FAM149B1: variants seen among roughly 807,000 people sequenced by gnomAD.
The protein encoded by FAM149B1 is primary cilium assembly protein FAM149B1.
In FAM149B1, 56 loss-of-function variants were observed where a neutral mutation model predicts 75.3. That is an observed-to-expected ratio of 0.74 (90% CI 0.60 to 0.93). The LOEUF (loss-of-function observed/expected upper bound fraction) is 0.93. FAM149B1 is among the 40% of genes least tolerant of loss of function. FAM149B1 has a pLI of 0.00. For missense variants in FAM149B1, 639 were observed against 708.4 expected, an observed-to-expected ratio of 0.90 and a Z score of 1.11; for synonymous variants, 259 against 256.1, an observed-to-expected ratio of 1.01 and a Z score of -0.11.
At chr10:73,223,078 C>T (rs2043454969) in intron 7 of FAM149B1, among the ~76,000 whole-genome samples, 2 of 152,086 alleles carry the variant, frequency 1.3e-5, no homozygotes, top group Admixed American at 6.6e-5. Context: ...TATGACTGTG[C>T]TAATATACTT....
At chr10:73,188,997 C>A (rs1196230162) in intron 3 of FAM149B1, among the ~76,000 whole-genome samples, 1 of 151,890 alleles carries the variant, frequency 6.6e-6, no homozygotes. Context: ...TATTTGAGAC[C>A]AGCCTAAGCA....
intron 1 of FAM149B1, 66 bp downstream of exon 1, chr10:73,168,452 C>T (rs1200748211): frequency 1.6e-5 from 24 of 1,527,778 alleles, no homozygotes; most frequent in African/African-American, 2.8e-5. Context: ...CCTCCTTGAC[C>T]AGTCCTTCGT....
chr10:73,230,764 C>T (rs2043673957), intron 9 of FAM149B1: 1 of 403,642 alleles, frequency 2.5e-6, no homozygotes, highest in South Asian at 2.5e-5. Flanking sequence ...TAACTGAGTG[C>T]CATGTGCGTG....
Position 73,240,926 on chromosome 10 carries a change from T to C in FAM149B1, c.1676-20T>C. On this transcript the variant is annotated intron_variant, in intron 13 of 13. Transcript: ENST00000242505. ...TCAAACCTAGACTGTCTACTAATGTTACTCTATGTCATCTGACAGGTCCTC... is the reference window on the plus strand; with the variant it reads ...TCAAACCTAGACTGTCTACTAATGTCACTCTATGTCATCTGACAGGTCCTC... The C allele has an allele frequency of 7.0e-7, 1 of 1,428,504 alleles. No homozygotes were observed. The highest frequency in any genetic ancestry group is 1.2e-5 in the South Asian group (1 of 80,702). The allele number at this position is 1,428,504 out of a possible 1,614,324, so 88.5% of individuals were successfully genotyped here.
intron 4 of FAM149B1, among the ~76,000 whole-genome samples, 189 bp from the exon 5 acceptor site, chr10:73,193,288 C>A (rs2042723284): frequency 6.9e-6 from 1 of 144,588 alleles, no homozygotes; most frequent in Admixed American, 6.7e-5. Flanking sequence ...TTTATCTTTT[C>A]CATCTCCATT....
intron 5 of FAM149B1, among the ~76,000 whole-genome samples, chr10:73,206,541 C>T (rs1257372307): frequency 1.3e-5 from 2 of 152,218 alleles, no homozygotes; most frequent in Non-Finnish European, 2.9e-5. Context: ...ATTTCGGAGA[C>T]CTTCACAGCA....
In FAM149B1 at chr10:73,235,187, C is replaced by T. The variant is rs2043794397; in HGVS notation, c.1477-6C>T. ...ACTGTTTCTGTAACTTTTGTCTCCT[C>T]TGCAGAAACCCCATGGCGACTCTAG... On this transcript the variant is annotated splice_region_variant and splice_polypyrimidine_tract_variant and intron_variant, in intron 11 of 13. Coordinates refer to ENST00000242505, the MANE Select transcript of FAM149B1 (RefSeq NM_173348.2). 6.4e-7 allele frequency: 1 copy of T among 1,551,572 alleles called. No homozygotes were observed. Among genetic ancestry groups the T allele is most frequent in the Non-Finnish European group, 8.7e-7 (1 of 1,146,856 alleles).
chr10:73,193,634 A>G, intron 5 of FAM149B1, 41 bp downstream of exon 5: 4 of 1,534,824 alleles, frequency 2.6e-6, no homozygotes, highest in Non-Finnish European at 8.8e-7. Flanking sequence ...GTGCCCTAAT[A>G]TGCAAGTATT....
intron 5 of FAM149B1, among the ~76,000 whole-genome samples, chr10:73,202,466 T>G (rs1240529667): frequency 2.0e-5 from 3 of 152,022 alleles, no homozygotes; most frequent in African/African-American, 7.2e-5. Flanking sequence ...CTTTTTTTTT[T>G]TTGTTACCCA....
intron 7 of FAM149B1, among the ~76,000 whole-genome samples, chr10:73,217,868 C>T (rs796391177): frequency 1.6e-4 from 25 of 152,254 alleles, no homozygotes; most frequent in African/African-American, 5.3e-4. Flanking sequence ...TTCATGTTCT[C>T]CCACATGCAA....
chr10:73,228,278 C>A, intron 8 of FAM149B1, 94 bp downstream of exon 8: 1 of 1,035,494 alleles, frequency 9.7e-7, no homozygotes, highest in Non-Finnish European at 1.4e-6. Flanking sequence ...TGATTTCTGA[C>A]TCAATATGTT....
chr10:73,226,229 G>T (rs183634699), intron 7 of FAM149B1, among the ~76,000 whole-genome samples: 1 of 151,982 alleles, frequency 6.6e-6, no homozygotes, highest in Non-Finnish European at 1.5e-5. Context: ...ACTTTGGGCC[G>T]GGCACAGTGG....
At position 73,232,999 on chromosome 10, in the gene FAM149B1, T is replaced by G. The variant is rs1288265070; in HGVS notation, c.1188T>G (p.Asn396Lys). 4.5e-6 allele frequency: 7 copies of G among 1,552,046 alleles called. No individual in the cohort carries two copies. The highest frequency in any genetic ancestry group is 6.1e-6 in the Non-Finnish European group (7 of 1,147,026). The part of the protein sequence containing the change: ...PGSSTILSTR[N>K]WPNRAVEFST... ...CCAGTACCATCCTTTCAACTCGAAA[T>G]TGGCCAAATCGAGCTGTGGAGTTTA... Residue 396 changes from asparagine (N) to lysine (K), a missense_variant, in exon 10 of 14, where the codon AAT becomes AAG. Physicochemically the swap from Asn to Lys is moderately conservative, Grantham distance 94. Transcript: ENST00000242505.
chr10:73,192,838 T>C, intron 4 of FAM149B1, 140 bp downstream of exon 4: 1 of 761,618 alleles, frequency 1.3e-6, no homozygotes, highest in South Asian at 3.5e-5. Flanking sequence ...GTATAAAGCC[T>C]TGGCTAAGAG....
At chr10:73,188,750 GA>G (rs2042597786) in intron 3 of FAM149B1, among the ~76,000 whole-genome samples, 3 of 104,500 alleles carry the variant, frequency 2.9e-5, no homozygotes, top group Admixed American at 1.0e-4. Flanking sequence ...AAAAAGGAAG[GA>G]AGGAGGGAAG....
Position 73,233,090 on chromosome 10 carries a change from C to T in FAM149B1, c.1279C>T (p.His427Tyr), listed in dbSNP as rs1472422884. The change falls in exon 10 of 14, where the codon CAT becomes TAT. Residue 427 changes from histidine (H) to tyrosine (Y), a missense_variant. Physicochemically the swap from His to Tyr is moderately conservative, Grantham distance 83. Transcript: ENST00000242505. The part of the protein sequence containing the change: ...RRRNPPPRTL[H>Y]PISTSHSCAE... ...ACGCAATCCACCACCACGAACTCTT[C>T]ATCCGATCAGCACGAGCCATTCATG... 9 of 1,551,716 alleles carry T rather than the reference C, an allele frequency of 5.8e-6. No homozygotes were observed. In the East Asian group the frequency reaches 9.8e-5, roughly 17 times the overall value.
In FAM149B1 at chr10:73,243,954, T is replaced by C. The variant is rs779432879; in HGVS notation, c.*2935T>C. On this transcript the variant is annotated 3_prime_UTR_variant, in exon 14 of 14. Transcript: ENST00000242505. ...CCTGAAACAGGAACTCACATGAGAC[T>C]CAGGGCCACCAGGAAATGCTTAAAA... 1.3e-6 allele frequency: 2 copies of C among 1,593,580 alleles called. No homozygotes were observed. Among genetic ancestry groups the C allele is most frequent in the East Asian group, 4.5e-5 (2 of 44,750 alleles).
At position 73,228,053 on chromosome 10, in the gene FAM149B1, T is replaced by C. The variant is rs1327204476; in HGVS notation, c.899-7T>C. The C allele has an allele frequency of 1.3e-6, 2 of 1,551,622 alleles. No individual in the cohort carries two copies. Among genetic ancestry groups the C allele is most frequent in the Admixed American group, 3.9e-5 (2 of 51,012 alleles). On this transcript the variant is annotated splice_polypyrimidine_tract_variant and splice_region_variant and intron_variant, in intron 7 of 13. Coordinates refer to ENST00000242505, the MANE Select transcript of FAM149B1 (RefSeq NM_173348.2). ...CCATGGATAATATATCCTGTTCCTT[T>C]GCCCAGATGATGAGAGTAATGTTGC... is the stretch of plus-strand genomic sequence containing the variant.
intron 7 of FAM149B1, 23 bp downstream of exon 7, chr10:73,210,461 T>A (rs762594100): frequency 2.0e-6 from 3 of 1,475,766 alleles, no homozygotes; most frequent in Non-Finnish European, 1.8e-6. Flanking sequence ...GTGAAAATAA[T>A]GTAAAAATCA....
Sources: gnomAD v4.1 joint callset for allele counts (sites outside exome capture counted in the v4.1 genomes callset) on GRCh38, gnomAD v4.1.1 for gene constraint, MANE v1.5 for transcripts, NCBI Gene and HGNC (gene_info 2026-07-23, HGNC 2026-07-21) for gene names.